Variants in TTLL5 observed in about 807,000 individuals in gnomAD.
TTLL5 encodes tubulin polyglutamylase TTLL5.
In TTLL5, 132 loss-of-function variants were observed where a neutral mutation model predicts 168.4. That is an observed-to-expected ratio of 0.78 (90% CI 0.68 to 0.91). TTLL5 has a LOEUF of 0.91. Among genes scored for constraint, TTLL5 ranks in the 40% least tolerant of loss-of-function variants. The pLI is 0.00. For synonymous variants in TTLL5, 546 were observed against 558.6 expected (o/e 0.98, Z 0.32); for missense variants, 1,545 against 1,581.5 (o/e 0.98, Z 0.39).
intron 18 of TTLL5, among the ~76,000 whole-genome samples, chr14:75,754,219 T>G (rs543214818): frequency 6.6e-6 from 1 of 152,228 alleles, no homozygotes; most frequent in South Asian, 2.1e-4. Flanking sequence ...ATTTTTGCTT[T>G]TCGATTAGTT....
intron 31 of TTLL5, among the ~76,000 whole-genome samples, chr14:75,915,754 A>G (rs1325779587): frequency 6.6e-6 from 1 of 152,246 alleles, no homozygotes; most frequent in African/African-American, 2.4e-5. Flanking sequence ...GATGCTCAAC[A>G]TTGCTAATCA....
intron 28 of TTLL5, among the ~76,000 whole-genome samples, chr14:75,842,852 C>T (rs755572172): frequency 1.3e-5 from 2 of 152,150 alleles, no homozygotes; most frequent in Non-Finnish European, 2.9e-5. Flanking sequence ...GCTGACAGCA[C>T]AGGACACGCC....
chr14:75,887,222 G>C, intron 30 of TTLL5: 1 of 991,134 alleles, frequency 1.0e-6, no homozygotes, highest in Non-Finnish European at 1.2e-6. Flanking sequence ...ACCTGAACAT[G>C]TGGTGAGGTC....
chr14:75,929,996 T>A (rs1566665490), intron 31 of TTLL5, among the ~76,000 whole-genome samples: 1 of 152,212 alleles, frequency 6.6e-6, no homozygotes, highest in Non-Finnish European at 1.5e-5. Context: ...ACTTCTAATT[T>A]AAAAAACTGA....
At chr14:75,890,119 C>G (rs939921389) in intron 30 of TTLL5, among the ~76,000 whole-genome samples, 2 of 152,176 alleles carry the variant, frequency 1.3e-5, no homozygotes, top group African/African-American at 2.4e-5. Flanking sequence ...CCCATGAGGA[C>G]TTCCCTGAGC....
intron 14 of TTLL5, 59 bp from the exon 15 acceptor site, chr14:75,735,136 C>T: frequency 1.3e-6 from 2 of 1,490,918 alleles, no homozygotes; most frequent in South Asian, 2.3e-5. Context: ...AAAGGTGCAG[C>T]CAGACCTGCT....
intron 28 of TTLL5, among the ~76,000 whole-genome samples, chr14:75,844,454 G>A (rs977275174): frequency 1.3e-5 from 2 of 152,044 alleles, no homozygotes; most frequent in African/African-American, 4.8e-5. Context: ...CTTTAGCAGG[G>A]GCTATTTTAA....
chr14:75,766,335 T>C lies in TTLL5; in HGVS notation c.1982T>C (p.Leu661Pro). 1 of 1,612,580 alleles carries C rather than the reference T, an allele frequency of 6.2e-7. No individual in the cohort carries two copies. The highest frequency in any genetic ancestry group is 1.1e-5 in the South Asian group (1 of 90,618). The change falls in exon 20 of 32, where the codon CTG (leucine) becomes CCG (proline). Residue 661 changes from leucine (L) to proline (P), a missense_variant. Transcript: ENST00000298832. ...ETQELEPKFN[L>P]MQILQDNGNL... Reference sequence around the variant, plus strand: ...CAGGAGCTAGAGCCTAAATTTAACCTGATGCAGATTCTTCAAGATAATGGC... The same window carrying C: ...CAGGAGCTAGAGCCTAAATTTAACCCGATGCAGATTCTTCAAGATAATGGC...
At chr14:75,914,719 G>A (rs1385340263) in intron 31 of TTLL5, among the ~76,000 whole-genome samples, 2 of 149,582 alleles carry the variant, frequency 1.3e-5, no homozygotes, top group African/African-American at 2.5e-5. Context: ...CGCCTCCCAG[G>A]TTCACGCCAT....
chr14:75,951,574 A>G (rs1170260706), intron 31 of TTLL5, among the ~76,000 whole-genome samples: 5 of 152,098 alleles, frequency 3.3e-5, no homozygotes, highest in Non-Finnish European at 5.9e-5. Context: ...AGCCTGGGCA[A>G]CATGGCAAAA....
intron 28 of TTLL5, among the ~76,000 whole-genome samples, chr14:75,855,291 A>T (rs1897077004): frequency 1.3e-5 from 2 of 152,216 alleles, no homozygotes; most frequent in South Asian, 4.1e-4. Flanking sequence ...GTTCTGGCTA[A>T]GTCTTTATCT....
intron 31 of TTLL5, among the ~76,000 whole-genome samples, chr14:75,928,381 G>C (rs2034156826): frequency 5.4e-5 from 3 of 55,408 alleles, no homozygotes; most frequent in African/African-American, 7.2e-5. Context: ...CTGTATTTCT[G>C]CTTTACTCTA....
intron 9 of TTLL5, among the ~76,000 whole-genome samples, chr14:75,712,709 CT>C (rs1184196542): frequency 6.6e-6 from 1 of 151,774 alleles, no homozygotes; most frequent in African/African-American, 2.4e-5. Flanking sequence ...ACATTGAAAT[CT>C]TTTCTCCACA....
Position 75,776,729 on chromosome 14 carries a change from G to A in TTLL5, c.2284-18G>A. 6.3e-7 allele frequency: 1 copy of A among 1,598,850 alleles called. No individual in the cohort carries two copies. The highest frequency in any genetic ancestry group is 1.3e-5 in the African/African-American group (1 of 74,468). ...GTTTTATCTTGTTGTTTTTCTGTGG[G>A]GTTTGGGCACTGGGTAGGAAACAGA... On this transcript the variant is annotated intron_variant, in intron 22 of 31. Coordinates refer to ENST00000298832, the MANE Select transcript of TTLL5 (RefSeq NM_015072.5).
At chr14:75,662,571 T>A (rs547484099) in intron 1 of TTLL5, among the ~76,000 whole-genome samples, 135 of 150,416 alleles carry the variant, frequency 9.0e-4, no homozygotes, top group Non-Finnish European at 1.7e-3. Context: ...ACTCCCGACC[T>A]CAGGTGATCC....
At chr14:75,705,967 A>G (rs755766272) in intron 7 of TTLL5, among the ~76,000 whole-genome samples, 2 of 152,070 alleles carry the variant, frequency 1.3e-5, no homozygotes, top group Non-Finnish European at 2.9e-5. Flanking sequence ...CAGGGGTTCA[A>G]ATCCCTTTGT....
At chr14:75,866,311 T>TG (rs1180699294) in intron 29 of TTLL5, among the ~76,000 whole-genome samples, 1 of 152,340 alleles carries the variant, frequency 6.6e-6, no homozygotes, top group East Asian at 1.9e-4. Context: ...ATTTCTGTCC[T>TG]GGGGTTACCC....
chr14:75,699,297 C>G (rs753376138), intron 7 of TTLL5, 27 bp downstream of exon 7: 2 of 1,578,796 alleles, frequency 1.3e-6, no homozygotes, highest in Non-Finnish European at 8.7e-7. Context: ...TGGCAAACCT[C>G]TCTCCTCACT....
chr14:75,946,452 A>G (rs1468706704), intron 31 of TTLL5, among the ~76,000 whole-genome samples: 1 of 152,262 alleles, frequency 6.6e-6, no homozygotes, highest in Admixed American at 6.5e-5. Context: ...GGAAACATGG[A>G]AGAGGTAGAA....
Sources: gnomAD v4.1 joint callset for allele counts (sites outside exome capture counted in the v4.1 genomes callset) on GRCh38, gnomAD v4.1.1 for gene constraint, MANE v1.5 for transcripts, NCBI Gene and HGNC (gene_info 2026-07-23, HGNC 2026-07-21) for gene names.